ARHGEF38: variants seen among roughly 807,000 people sequenced by gnomAD.
ARHGEF38 encodes the protein Rho guanine nucleotide exchange factor (GEF) 38.
Under a neutral mutation model 79.9 loss-of-function variants are expected in ARHGEF38, and 79 were observed. The ratio of observed to expected loss-of-function variants is 0.99; its 90% CI spans 0.82 to 1.19. ARHGEF38 has a LOEUF of 1.19. Among genes scored for constraint, ARHGEF38 ranks in the 50% most tolerant of loss-of-function variants. The pLI, the probability that ARHGEF38 is intolerant of heterozygous loss-of-function variation, is 0.00. For missense variants in ARHGEF38, 962 were observed against 907.2 expected, an observed-to-expected ratio of 1.06 and a Z score of -0.78; for synonymous variants, 366 against 328.3, an observed-to-expected ratio of 1.11 and a Z score of -1.24.
At chr4:105,621,119 CA>C (rs1458049778) in intron 3 of ARHGEF38, among the ~76,000 whole-genome samples, 1 of 152,184 alleles carries the variant, frequency 6.6e-6, no homozygotes, top group Non-Finnish European at 1.5e-5. Flanking sequence ...TGAAATTAGT[CA>C]TCTCGGACAT....
intron 3 of ARHGEF38, among the ~76,000 whole-genome samples, chr4:105,626,617 C>T (rs1005264370): frequency 6.6e-6 from 1 of 152,032 alleles, no homozygotes; most frequent in Non-Finnish European, 1.5e-5. Context: ...TGTTTATTTA[C>T]CTTATTATTA....
At chr4:105,640,881 T>C (rs1192489728) in intron 5 of ARHGEF38, among the ~76,000 whole-genome samples, 1 of 152,128 alleles carries the variant, frequency 6.6e-6, no homozygotes, top group Non-Finnish European at 1.5e-5. Context: ...ACCTATGTGC[T>C]TATTTCTTTT....
chr4:105,672,385 C>A (rs1052360159), intron 13 of ARHGEF38, among the ~76,000 whole-genome samples: 17 of 152,108 alleles, frequency 1.1e-4, no homozygotes, highest in African/African-American at 4.1e-4. Context: ...TATTCTGGAG[C>A]CTTTGTTGAA....
intron 9 of ARHGEF38, among the ~76,000 whole-genome samples, chr4:105,656,428 T>C (rs1283014278): frequency 2.0e-5 from 3 of 152,220 alleles, no homozygotes; most frequent in Admixed American, 6.5e-5. Context: ...TGAGAAAGAC[T>C]TTTATTTAAG....
intron 3 of ARHGEF38, among the ~76,000 whole-genome samples, chr4:105,619,317 A>G (rs768415480): frequency 2.4e-4 from 36 of 151,722 alleles, no homozygotes; most frequent in Non-Finnish European, 4.6e-4. Flanking sequence ...CAACACAGCC[A>G]AGGCCTCAGG....
At chr4:105,681,936 T>A (rs896725516), downstream of ARHGEF38, among the ~76,000 whole-genome samples, 9 of 152,196 alleles carry the variant, frequency 5.9e-5, no homozygotes, top group African/African-American at 1.7e-4. Context: ...TGTGAACAAG[T>A]CATATATTTC....
chr4:105,643,276 T>C (rs1207310594), intron 5 of ARHGEF38, among the ~76,000 whole-genome samples: 1 of 152,028 alleles, frequency 6.6e-6, no homozygotes, highest in East Asian at 1.9e-4. Flanking sequence ...TCTTTTTCCC[T>C]CTTTCTGCCT....
intron 2 of ARHGEF38, among the ~76,000 whole-genome samples, chr4:105,602,582 G>T (rs1727870552): frequency 6.6e-6 from 1 of 152,074 alleles, no homozygotes; most frequent in Non-Finnish European, 1.5e-5. Context: ...CAAGATCAGG[G>T]TTAGGGATGA....
chr4:105,595,720 C>T (rs987968528), intron 2 of ARHGEF38, among the ~76,000 whole-genome samples: 1 of 152,088 alleles, frequency 6.6e-6, no homozygotes, highest in African/African-American at 2.4e-5. Context: ...TACACACATC[C>T]TACTGTATAC....
chr4:105,585,318 C>T (rs1311724680), intron 1 of ARHGEF38, among the ~76,000 whole-genome samples: 1 of 152,180 alleles, frequency 6.6e-6, no homozygotes, highest in Non-Finnish European at 1.5e-5. Flanking sequence ...AACCAAGGCT[C>T]TGTGAGGATA....
intron 7 of ARHGEF38, 137 bp downstream of exon 7, chr4:105,648,819 C>CTCT (rs1729964928): frequency 5.3e-5 from 26 of 491,190 alleles, no homozygotes; most frequent in Admixed American, 1.8e-4. Context: ...CTCTTGTCTC[C>CTCT]CTCTCTCTCT....
intron 1 of ARHGEF38, among the ~76,000 whole-genome samples, chr4:105,565,301 C>A (rs1307908074): frequency 1.3e-5 from 2 of 152,156 alleles, no homozygotes; most frequent in Admixed American, 1.3e-4. Flanking sequence ...GTCTGACATG[C>A]AATTATTTTC....
At chr4:105,581,406 C>A (rs1726784554) in intron 1 of ARHGEF38, among the ~76,000 whole-genome samples, 1 of 152,234 alleles carries the variant, frequency 6.6e-6, no homozygotes, top group South Asian at 2.1e-4. Context: ...ACCCTCTAGA[C>A]CTCCTAGTAA....
chr4:105,664,913 C>T (rs1730693704), intron 10 of ARHGEF38, among the ~76,000 whole-genome samples: 3 of 152,122 alleles, frequency 2.0e-5, no homozygotes, highest in Admixed American at 1.3e-4. Flanking sequence ...TTTCTTCCCC[C>T]ATTCTAATTT....
In ARHGEF38 at chr4:105,659,082, C is replaced by A. The variant is rs1324721810; in HGVS notation, c.1262C>A (p.Thr421Asn). 4 of 1,535,810 alleles carry A rather than the reference C, an allele frequency of 2.6e-6. No individual in the cohort carries two copies. Among genetic ancestry groups the A allele is most frequent in the East Asian group, 2.4e-5 (1 of 40,920 alleles). Residue 421 changes from threonine to asparagine, a missense_variant, in exon 10 of 14, where the codon ACC (threonine) becomes AAC (asparagine). Thr to Asn is a moderately conservative substitution (Grantham distance 65). Transcript: ENST00000420470. ...FASHLQRLIL[T>N]PLSALLSLFP... is the part of the protein sequence containing the mutation. Reference sequence around the variant, plus strand: ...TCTCACTTACAGAGACTCATCCTGACCCCCTTGTCAGCCCTGCTGTCCTTA... The same window carrying A: ...TCTCACTTACAGAGACTCATCCTGAACCCCTTGTCAGCCCTGCTGTCCTTA...
intron 2 of ARHGEF38, among the ~76,000 whole-genome samples, chr4:105,610,370 T>C (rs1231448681): frequency 6.6e-6 from 1 of 152,122 alleles, no homozygotes; most frequent in Admixed American, 6.6e-5. Context: ...TTAATTTTTA[T>C]GTTTTGTAAG....
chr4:105,610,610 T>C (rs946897561), intron 2 of ARHGEF38, among the ~76,000 whole-genome samples: 5 of 152,090 alleles, frequency 3.3e-5, no homozygotes, highest in African/African-American at 1.2e-4. Context: ...GACATTTGTT[T>C]GTTCCTTGGC....
rs1408994456 is a variant in ARHGEF38, at chr4:105,666,274, T to C, written c.1643T>C (p.Ile548Thr). ...NCVKENSATF[I>T]ERKLSFEKKK... Reference sequence around the variant, plus strand: ...GTGAAAGAAAACAGTGCCACCTTTATTGAGAGGAAACTCAGTTTTGAAAAG... The same window carrying C: ...GTGAAAGAAAACAGTGCCACCTTTACTGAGAGGAAACTCAGTTTTGAAAAG... Residue 548 changes from isoleucine (I) to threonine (T), a missense_variant, in exon 11 of 14, where the codon ATT becomes ACT. Coordinates refer to ENST00000420470, the MANE Select transcript of ARHGEF38 (RefSeq NM_001242729.2). The C allele has an allele frequency of 2.6e-6, 4 of 1,534,850 alleles. No homozygotes were observed. Among genetic ancestry groups the C allele is most frequent in the East Asian group, 2.4e-5 (1 of 40,818 alleles).
In ARHGEF38 at chr4:105,552,911, C is replaced by T; in HGVS notation, c.146C>T (p.Thr49Ile). 9.9e-6 allele frequency: 16 copies of T among 1,613,694 alleles called. No individual in the cohort carries two copies. The highest frequency in any genetic ancestry group is 1.4e-5 in the Non-Finnish European group (16 of 1,179,806). The stretch of plus-strand genomic sequence containing the variant: ...AGTGTTTCTGGGGACCACTCTGGCA[C>T]CTTGAGGAGGAGCCAATCTGACAGG... ...ESSVSGDHSG[T>I]LRRSQSDRTE... Residue 49 changes from threonine (T) to isoleucine (I), a missense_variant, in exon 1 of 14, where the codon ACC (threonine) becomes ATC (isoleucine). Thr to Ile is a moderately conservative substitution (Grantham distance 89). Transcript: ENST00000420470.
Sources: allele counts gnomAD v4.1 joint callset (sites outside exome capture counted in the v4.1 genomes callset), GRCh38; gene constraint gnomAD v4.1.1; transcripts MANE v1.5; gene names NCBI Gene and HGNC (gene_info 2026-07-23, HGNC 2026-07-21).